CDH10: variants seen among roughly 807,000 people sequenced by gnomAD.
The protein encoded by CDH10 is cadherin-10.
In CDH10, 30 loss-of-function variants were observed where a neutral mutation model predicts 73.1. The ratio of observed to expected loss-of-function variants is 0.41; its 90% CI spans 0.31 to 0.56. The LOEUF is 0.56. CDH10 is among the 20% of genes least tolerant of loss of function. The pLI is 0.27. For missense variants in CDH10, 815 were observed against 973.7 expected, an observed-to-expected ratio of 0.84 and a Z score of 2.17; for synonymous variants, 345 against 348.2, an observed-to-expected ratio of 0.99 and a Z score of 0.10.
intron 5 of CDH10, among the ~76,000 whole-genome samples, chr5:24,520,645 C>T (rs1257741320): frequency 1.3e-5 from 2 of 152,072 alleles, no homozygotes; most frequent in African/African-American, 4.8e-5. Context: ...TTTCAGGTGG[C>T]GCTACTTATA....
chr5:24,552,157 T>G (rs939406390), intron 2 of CDH10, among the ~76,000 whole-genome samples: 1 of 152,090 alleles, frequency 6.6e-6, no homozygotes, highest in African/African-American at 2.4e-5. Context: ...GACATCTTAA[T>G]GTCTTTCACT....
intron 8 of CDH10, among the ~76,000 whole-genome samples, chr5:24,502,262 G>C (rs1742529263): frequency 6.6e-6 from 1 of 152,138 alleles, no homozygotes; most frequent in Non-Finnish European, 1.5e-5. Context: ...AAGAAAAAGA[G>C]GAGTTATTCC....
At chr5:24,617,561 C>A (rs1049880288) in intron 1 of CDH10, among the ~76,000 whole-genome samples, 3 of 151,974 alleles carry the variant, frequency 2.0e-5, no homozygotes, top group African/African-American at 7.3e-5. Flanking sequence ...ACTTTAAGAG[C>A]AAATGTAAAA....
chr5:24,555,680 G>A (rs189837480), intron 2 of CDH10, among the ~76,000 whole-genome samples: 417 of 152,188 alleles, frequency 2.7e-3, no homozygotes, highest in Non-Finnish European at 4.9e-3. Flanking sequence ...TCAGAAATGA[G>A]AGAGAGAGAT....
At position 24,556,101 on chromosome 5, in the gene CDH10, T is replaced by C. The variant is rs973728045; in HGVS notation, c.232-18427A>G. On this transcript the variant is annotated intron_variant, in intron 2 of 11. Transcript: ENST00000264463. ...AAACTTAAAACAAAAATAATGCAAATTTAAGGTAAAAATTAAACCCACTTC... is the reference window on the plus strand; with the variant it reads ...AAACTTAAAACAAAAATAATGCAAACTTAAGGTAAAAATTAAACCCACTTC... Among the ~76,000 whole-genome samples, 23 of 152,206 alleles carry C rather than the reference T, an allele frequency of 1.5e-4. No homozygotes were observed. The East Asian group carries it at 4.2e-3, about 28-fold the overall frequency.
rs541158864 is a variant in CDH10, at chr5:24,531,598, A to G, written c.814+3514T>C. ...TGGCAGCAGGAAAGATAGCTTGTAT[A>G]GAGGAACTCCCAATTATAATACCAT... On this transcript the variant is annotated intron_variant, in intron 5 of 11. Transcript: ENST00000264463. Among the ~76,000 whole-genome samples the G allele has an allele frequency of 6.6e-5, 10 of 152,206 alleles. 1 individual carries two copies. In the East Asian group the frequency reaches 1.9e-3, roughly 30 times the overall value.
chr5:24,629,295 G>T (rs1177227792), intron 1 of CDH10, among the ~76,000 whole-genome samples: 1 of 151,988 alleles, frequency 6.6e-6, no homozygotes, highest in Non-Finnish European at 1.5e-5. Flanking sequence ...GTATTTTCTA[G>T]TTACAATTAT....
intron 3 of CDH10, among the ~76,000 whole-genome samples, chr5:24,536,616 A>G (rs1743962442): frequency 6.6e-6 from 1 of 152,044 alleles, no homozygotes; most frequent in African/African-American, 2.4e-5. Context: ...CTGTCATTCT[A>G]TATCTAATTT....
At chr5:24,550,216 C>G (rs1744495651) in intron 2 of CDH10, among the ~76,000 whole-genome samples, 1 of 152,014 alleles carries the variant, frequency 6.6e-6, no homozygotes, top group Non-Finnish European at 1.5e-5. Context: ...TAAATTTCAA[C>G]CAGTGTGTGA....
rs561332994 is a variant in CDH10 at position 24,522,722 on chromosome 5, C to G, written c.815-11208G>C. ...CTGTAATATCTTGGAAAACATAACC[C>G]TGCTAAAAAAGATCTAAAAGATTCA... is the stretch of plus-strand genomic sequence containing the variant. On this transcript the variant is annotated intron_variant, in intron 5 of 11. Coordinates refer to ENST00000264463, the MANE Select transcript of CDH10 (RefSeq NM_006727.5). Among the ~76,000 whole-genome samples the G allele has an allele frequency of 4.6e-5, 7 of 152,196 alleles. No homozygotes were observed. In the East Asian group the frequency reaches 1.4e-3, roughly 29 times the overall value.
intron 2 of CDH10, among the ~76,000 whole-genome samples, chr5:24,568,693 A>G (rs112748035): frequency 0.014 from 2,201 of 152,284 alleles, 63 homozygotes; most frequent in African/African-American, 0.05. Context: ...ATATTTGTAT[A>G]GCAATGTTCA....
chr5:24,532,251 T>G (rs929416395), intron 5 of CDH10, among the ~76,000 whole-genome samples: 2 of 152,118 alleles, frequency 1.3e-5, no homozygotes, highest in East Asian at 3.9e-4. Flanking sequence ...TTTATAATAC[T>G]GAATAATAAT....
chr5:24,531,440 C>T (rs918086162), intron 5 of CDH10, among the ~76,000 whole-genome samples: 3 of 152,002 alleles, frequency 2.0e-5, no homozygotes, highest in Non-Finnish European at 4.4e-5. Flanking sequence ...TATTCTCATG[C>T]TGCTGATAAA....
At chr5:24,501,640 A>C (rs1215020615) in intron 8 of CDH10, among the ~76,000 whole-genome samples, 1 of 152,186 alleles carries the variant, frequency 6.6e-6, no homozygotes, top group African/African-American at 2.4e-5. Flanking sequence ...AAAGAGAGAA[A>C]TTTTAAATCA....
At chr5:24,507,594 G>C (rs1391533626) in intron 7 of CDH10, among the ~76,000 whole-genome samples, 4 of 151,968 alleles carry the variant, frequency 2.6e-5, no homozygotes, top group African/African-American at 7.2e-5. Flanking sequence ...TATGCCACTT[G>C]ATATACATTT....
chr5:24,628,337 A>G (rs1747579755), intron 1 of CDH10, among the ~76,000 whole-genome samples: 2 of 152,204 alleles, frequency 1.3e-5, no homozygotes, highest in South Asian at 4.1e-4. Context: ...TTTTAAACAT[A>G]TTAAAGACAT....
intron 5 of CDH10, among the ~76,000 whole-genome samples, chr5:24,530,444 T>C (rs1436041304): frequency 1.3e-5 from 2 of 152,038 alleles, no homozygotes; most frequent in East Asian, 1.9e-4. Flanking sequence ...CATAATTTTA[T>C]GATTTTCTAT....
intron 9 of CDH10, among the ~76,000 whole-genome samples, chr5:24,497,531 T>G (rs1036696409): frequency 1.3e-5 from 2 of 152,256 alleles, no homozygotes; most frequent in Non-Finnish European, 2.9e-5. Context: ...TATTGAATTC[T>G]TGTTAGAATC....
At chr5:24,564,999 T>A (rs1194351249) in intron 2 of CDH10, among the ~76,000 whole-genome samples, 1 of 152,156 alleles carries the variant, frequency 6.6e-6, no homozygotes, top group Non-Finnish European at 1.5e-5. Flanking sequence ...TCCAAATCCC[T>A]GTACAGTAAA....
Sources: allele counts gnomAD v4.1 joint callset (sites outside exome capture counted in the v4.1 genomes callset), GRCh38; gene constraint gnomAD v4.1.1; transcripts MANE v1.5; gene names NCBI Gene and HGNC (gene_info 2026-07-23, HGNC 2026-07-21).